RBMS3: variants seen among roughly 807,000 people sequenced by gnomAD.
RBMS3 encodes RNA binding motif single stranded interacting protein 3.
Under a neutral mutation model 66.8 loss-of-function variants are expected in RBMS3, and 27 were observed. That is an observed-to-expected ratio of 0.40 (90% CI 0.30 to 0.56). The LOEUF (loss-of-function observed/expected upper bound fraction) is 0.56. RBMS3 is among the 20% of genes least tolerant of loss of function. The pLI is 0.40. For missense variants in RBMS3, 513 were observed against 549.5 expected (o/e 0.93, Z 0.66); for synonymous variants, 188 against 183.0 (o/e 1.03, Z -0.22).
rs145894670 is a variant in RBMS3, at chr3:29,912,588, T to C, written c.939+12833T>C. On this transcript the variant is annotated intron_variant, in intron 10 of 14. Coordinates refer to ENST00000383767, the MANE Select transcript of RBMS3 (RefSeq NM_001003793.3). Reference sequence around the variant, plus strand: ...TGTGTTATTCAGCGTAGTGTCTTAATTGGCAGTTACATCTGTAGAGAGAAA... The same window carrying C: ...TGTGTTATTCAGCGTAGTGTCTTAACTGGCAGTTACATCTGTAGAGAGAAA... Among the ~76,000 whole-genome samples, 834 of 152,204 alleles carry C rather than the reference T, an allele frequency of 5.5e-3. 10 individuals carry two copies. The highest frequency in any genetic ancestry group is 0.018 in the African/African-American group (742 of 41,550).
chr3:29,509,604 C>T (rs1334329353), intron 3 of RBMS3, among the ~76,000 whole-genome samples: 2 of 152,224 alleles, frequency 1.3e-5, no homozygotes, highest in East Asian at 1.9e-4. Context: ...GTGTGCTCTT[C>T]CTTGACTTGC....
intron 3 of RBMS3, among the ~76,000 whole-genome samples, chr3:29,519,256 A>G (rs2044759217): frequency 6.6e-6 from 1 of 152,164 alleles, no homozygotes; most frequent in Admixed American, 6.5e-5. Flanking sequence ...CATCTGTAGA[A>G]CCTAAATGAG....
intron 6 of RBMS3, among the ~76,000 whole-genome samples, chr3:29,847,217 A>G (rs2058803573): frequency 6.6e-6 from 1 of 152,212 alleles, no homozygotes; most frequent in Admixed American, 6.5e-5. Flanking sequence ...ATATTGAGCA[A>G]GAGGTCTTCT....
At chr3:29,471,548 C>A (rs917704472) in intron 2 of RBMS3, among the ~76,000 whole-genome samples, 2 of 152,090 alleles carry the variant, frequency 1.3e-5, no homozygotes, top group Non-Finnish European at 2.9e-5. Flanking sequence ...ACATCTGTAA[C>A]CACAACCTAT....
rs558839351 is a variant in RBMS3 at position 29,444,788 on chromosome 3, CTTTTTTTTTTTTT to C, written c.248+9885_248+9897del. Among the ~76,000 whole-genome samples the C allele has an allele frequency of 5.1e-4, 26 of 50,500 alleles. 1 individual carries two copies. Among genetic ancestry groups the C allele is most frequent in the Admixed American group, 1.9e-3 (6 of 3,090 alleles). 33.1% of individuals were successfully genotyped at this position (50,500 alleles called of 152,430 possible). On this transcript the variant is annotated intron_variant, in intron 2 of 14. Coordinates refer to ENST00000383767, the MANE Select transcript of RBMS3 (RefSeq NM_001003793.3). ...AATTCTTTCAAGCGGAAATATATGC[CTTTTTTTTTTTTT>C]TTTTTTTTTTTGCTCCATCTATACC...
At chr3:29,316,168 A>G (rs1575528967) in intron 1 of RBMS3, among the ~76,000 whole-genome samples, 1 of 151,720 alleles carries the variant, frequency 6.6e-6, no homozygotes, top group East Asian at 1.9e-4. Context: ...CCTGGTATGA[A>G]TGTGCCAGAT....
chr3:29,291,641 G>C (rs1279739729), intron 1 of RBMS3, among the ~76,000 whole-genome samples: 1 of 151,790 alleles, frequency 6.6e-6, no homozygotes, highest in African/African-American at 2.4e-5. Context: ...CAATTCTTCT[G>C]TCTCAAAATA....
At chr3:29,844,664 C>A (rs1559730868) in intron 6 of RBMS3, among the ~76,000 whole-genome samples, 1 of 152,206 alleles carries the variant, frequency 6.6e-6, no homozygotes, top group Non-Finnish European at 1.5e-5. Flanking sequence ...TTGATTCAAA[C>A]AATCCAGCAT....
intron 1 of RBMS3, among the ~76,000 whole-genome samples, chr3:29,396,085 A>G (rs923847742): frequency 6.6e-6 from 1 of 152,186 alleles, no homozygotes; most frequent in African/African-American, 2.4e-5. Context: ...AACATCAACA[A>G]TGAGGCGCAG....
chr3:29,970,744 T>C (rs1697175560), intron 12 of RBMS3, among the ~76,000 whole-genome samples: 1 of 152,314 alleles, frequency 6.6e-6, no homozygotes, highest in South Asian at 2.1e-4. Context: ...TTATTCTAGG[T>C]TGATTTTGAT....
chr3:29,694,852 A>AT (rs146361034), intron 4 of RBMS3, among the ~76,000 whole-genome samples: 1,413 of 140,874 alleles, frequency 0.01, 17 homozygotes, highest in African/African-American at 0.032. Context: ...CTGCATGCAA[A>AT]TTTTTTTTTA....
chr3:29,733,150 ATATC>A (rs2054206675), intron 4 of RBMS3, among the ~76,000 whole-genome samples: 1 of 152,102 alleles, frequency 6.6e-6, no homozygotes, highest in Non-Finnish European at 1.5e-5. Context: ...TTTTTAAAAA[ATATC>A]TATAGTTGCA....
intron 12 of RBMS3, among the ~76,000 whole-genome samples, chr3:29,959,294 A>T (rs1696250305): frequency 6.6e-6 from 1 of 152,128 alleles, no homozygotes; most frequent in Non-Finnish European, 1.5e-5. Flanking sequence ...CTTTTGACTT[A>T]GCATGTTCAA....
At chr3:29,486,689 T>A (rs886224688) in intron 2 of RBMS3, among the ~76,000 whole-genome samples, 2 of 152,178 alleles carry the variant, frequency 1.3e-5, no homozygotes, top group African/African-American at 4.8e-5. Context: ...CTTGTAATAT[T>A]GATACAGTAG....
intron 4 of RBMS3, among the ~76,000 whole-genome samples, chr3:29,600,575 T>C (rs1293511021): frequency 6.6e-6 from 1 of 152,086 alleles, no homozygotes; most frequent in East Asian, 1.9e-4. Context: ...CACGTATTTC[T>C]TTTAAGCAAC....
intron 1 of RBMS3, among the ~76,000 whole-genome samples, chr3:29,371,289 A>G (rs79350423): frequency 0.017 from 2,607 of 152,312 alleles, 87 homozygotes; most frequent in African/African-American, 0.059. Context: ...ACAAGCCAAT[A>G]AGTTTGAATA....
intron 4 of RBMS3, among the ~76,000 whole-genome samples, chr3:29,719,827 T>C (rs1307916207): frequency 1.3e-5 from 2 of 152,170 alleles, no homozygotes; most frequent in Admixed American, 6.5e-5. Context: ...TTTATAACTA[T>C]CTTCACTAAT....
chr3:29,911,657 T>C (rs1235461679), intron 10 of RBMS3, among the ~76,000 whole-genome samples: 2 of 152,004 alleles, frequency 1.3e-5, no homozygotes, highest in Non-Finnish European at 2.9e-5. Flanking sequence ...AGATTTCTAC[T>C]CCCCTCAGAA....
chr3:29,610,891 T>C (rs530877373), intron 4 of RBMS3, among the ~76,000 whole-genome samples: 88 of 152,156 alleles, frequency 5.8e-4, no homozygotes, highest in African/African-American at 1.8e-3. Context: ...ACATATTTTC[T>C]ACCACAGATC....
Sources: gnomAD v4.1 joint callset for allele counts (sites outside exome capture counted in the v4.1 genomes callset) on GRCh38, gnomAD v4.1.1 for gene constraint, MANE v1.5 for transcripts, NCBI Gene and HGNC (gene_info 2026-07-23, HGNC 2026-07-21) for gene names.